TTLL11: variants seen among roughly 807,000 people sequenced by gnomAD.
TTLL11 encodes tubulin polyglutamylase TTLL11.
TTLL11 carries 42 observed loss-of-function variants against 51.7 expected under a neutral mutation model. The ratio of observed to expected loss-of-function variants is 0.81; its 90% CI spans 0.64 to 1.05. The LOEUF is 1.05. Among genes scored for constraint, TTLL11 ranks in the 50% least tolerant of loss-of-function variants. The pLI, the probability that TTLL11 is intolerant of heterozygous loss-of-function variation, is 0.00. For missense variants in TTLL11, 799 were observed against 940.4 expected (o/e 0.85, Z 1.97); for synonymous variants, 381 against 383.5 (o/e 0.99, Z 0.08).
chr9:122,005,377 C>T (rs1843613576), intron 3 of TTLL11, among the ~76,000 whole-genome samples: 1 of 152,160 alleles, frequency 6.6e-6, no homozygotes, highest in Non-Finnish European at 1.5e-5. Context: ...GTCTCAGTTT[C>T]CTTATCTGTA....
At chr9:122,084,576 T>G (rs1463255176) in intron 1 of TTLL11, among the ~76,000 whole-genome samples, 1 of 152,154 alleles carries the variant, frequency 6.6e-6, no homozygotes, top group Non-Finnish European at 1.5e-5. Context: ...CAAACCTAAT[T>G]AGAGGATGGC....
Position 121,954,492 on chromosome 9 carries a change from T to A in TTLL11, c.1481+19517A>T, listed in dbSNP as rs138726323. Among the ~76,000 whole-genome samples, 26 of 152,346 alleles carry A rather than the reference T, an allele frequency of 1.7e-4. No individual in the cohort carries two copies. The East Asian group carries it at 4.2e-3, about 25-fold the overall frequency. ...GAGAATCAAAAAATGGCCTTCTGTA[T>A]CCAGAACTATTTTTAGAAACACAAT... On this transcript the variant is annotated intron_variant, in intron 6 of 8. Transcript: ENST00000321582.
chr9:121,893,027 T>A (rs886837255), intron 6 of TTLL11, among the ~76,000 whole-genome samples: 4 of 152,172 alleles, frequency 2.6e-5, no homozygotes, highest in Admixed American at 6.5e-5. Flanking sequence ...GAGGAAATCA[T>A]TAGTTCTAAG....
At chr9:122,043,978 A>C (rs1352552097) in intron 1 of TTLL11, among the ~76,000 whole-genome samples, 1 of 152,128 alleles carries the variant, frequency 6.6e-6, no homozygotes, top group Non-Finnish European at 1.5e-5. Context: ...ATTTAGTATT[A>C]GGTATATCTC....
chr9:121,973,923 A>G, intron 6 of TTLL11, 86 bp downstream of exon 6: 2 of 821,194 alleles, frequency 2.4e-6, no homozygotes, highest in Non-Finnish European at 3.8e-6. Flanking sequence ...CAATGGTAAC[A>G]GGTTCCAAGA....
intron 7 of TTLL11, among the ~76,000 whole-genome samples, chr9:121,868,467 A>G (rs1328879849): frequency 6.6e-6 from 1 of 152,238 alleles, no homozygotes; most frequent in Non-Finnish European, 1.5e-5. Context: ...AGCTTTTGAA[A>G]GGGATCTAAT....
intron 4 of TTLL11, among the ~76,000 whole-genome samples, chr9:121,981,218 T>C (rs1202161752): frequency 2.0e-5 from 3 of 152,210 alleles, no homozygotes; most frequent in Non-Finnish European, 2.9e-5. Context: ...TATTGGACCA[T>C]AGTCCACTGA....
intron 8 of TTLL11, among the ~76,000 whole-genome samples, chr9:121,831,336 A>G (rs533902223): frequency 1.3e-5 from 2 of 152,354 alleles, no homozygotes; most frequent in Admixed American, 1.3e-4. Flanking sequence ...AGTGATCAGG[A>G]AATGGAATGA....
rs780739596 is a variant in TTLL11, at chr9:121,845,688, G to T, written c.1840+14649C>A. ...AGTACCTGCACTATCTGTTAAAGGG[G>T]TATAGTGTTATTTGAAAATGGACTT... On this transcript the variant is annotated intron_variant, in intron 8 of 8. Transcript: ENST00000321582. 2.8e-4 allele frequency among the ~76,000 whole-genome samples: 42 copies of T among 152,224 alleles called. No homozygotes were observed. In the Middle Eastern group the frequency reaches 0.01, roughly 37 times the overall value.
chr9:122,078,441 G>A (rs1271910387), intron 1 of TTLL11, among the ~76,000 whole-genome samples: 5 of 152,086 alleles, frequency 3.3e-5, no homozygotes, highest in African/African-American at 1.2e-4. Context: ...ACAAAGGGAG[G>A]GAGCATTCAG....
intron 6 of TTLL11, among the ~76,000 whole-genome samples, chr9:121,953,920 T>G (rs1841937759): frequency 6.6e-6 from 1 of 152,206 alleles, no homozygotes; most frequent in South Asian, 2.1e-4. Context: ...CTTACTACTC[T>G]TATTATCAAT....
intron 1 of TTLL11, among the ~76,000 whole-genome samples, chr9:122,084,742 T>C (rs1206344768): frequency 6.6e-6 from 1 of 152,188 alleles, no homozygotes; most frequent in African/African-American, 2.4e-5. Flanking sequence ...TCACAACAAC[T>C]AGCTAGTATT....
chr9:122,086,790 G>C (rs1488305869), intron 1 of TTLL11, among the ~76,000 whole-genome samples: 1 of 152,180 alleles, frequency 6.6e-6, no homozygotes, highest in African/African-American at 2.4e-5. Flanking sequence ...TTGAATTATG[G>C]GTCAAATGAG....
intron 6 of TTLL11, among the ~76,000 whole-genome samples, chr9:121,919,072 T>C (rs1025484100): frequency 4.6e-5 from 7 of 152,230 alleles, no homozygotes; most frequent in Non-Finnish European, 7.3e-5. Context: ...CACTGAGCAG[T>C]GCTCTTATGA....
At chr9:122,085,843 T>C (rs1337461239) in intron 1 of TTLL11, among the ~76,000 whole-genome samples, 1 of 152,190 alleles carries the variant, frequency 6.6e-6, no homozygotes, top group East Asian at 1.9e-4. Flanking sequence ...AGGTTCTGTA[T>C]TTAGTACAGA....
chr9:121,886,823 C>A (rs1380296472), intron 6 of TTLL11, among the ~76,000 whole-genome samples: 1 of 152,192 alleles, frequency 6.6e-6, no homozygotes, highest in Non-Finnish European at 1.5e-5. Flanking sequence ...CATTCTCAGT[C>A]AATATCCTGG....
rs1170258490 is a variant in TTLL11 at position 121,979,673 on chromosome 9, C to T, written c.1270-4694G>A. 1.3e-4 allele frequency among the ~76,000 whole-genome samples: 20 copies of T among 152,062 alleles called. 1 individual carries two copies. On this transcript the variant is annotated intron_variant, in intron 4 of 8. Coordinates refer to ENST00000321582, the MANE Select transcript of TTLL11 (RefSeq NM_001139442.2). ...CACTTTTCCTCTGCTCTCAAACTTG[C>T]TCCTCTAATTCATCTGACACAAGGG...
chr9:121,824,028 G>T (rs547300921), intron 8 of TTLL11, among the ~76,000 whole-genome samples: 1 of 152,296 alleles, frequency 6.6e-6, no homozygotes, highest in South Asian at 2.1e-4. Flanking sequence ...CTCCTCTCTG[G>T]ACTGTGCGCT....
chr9:122,063,413 A>T (rs1348645615), intron 1 of TTLL11, among the ~76,000 whole-genome samples: 2 of 152,226 alleles, frequency 1.3e-5, no homozygotes, highest in African/African-American at 2.4e-5. Context: ...AGTGAAAATT[A>T]TATTAATGCT....
Sources: gnomAD v4.1 joint callset for allele counts (sites outside exome capture counted in the v4.1 genomes callset) on GRCh38, gnomAD v4.1.1 for gene constraint, MANE v1.5 for transcripts, NCBI Gene and HGNC (gene_info 2026-07-23, HGNC 2026-07-21) for gene names.